GRHL2: variants seen among roughly 807,000 people sequenced by gnomAD.
GRHL2 encodes grainyhead like transcription factor 2.
GRHL2 carries 21 observed loss-of-function variants against 83.8 expected under a neutral mutation model. That is an observed-to-expected ratio of 0.25 (90% confidence interval 0.18 to 0.36). The LOEUF (loss-of-function observed/expected upper bound fraction) is 0.36. Ranked by LOEUF, GRHL2 falls within the 10% of genes least tolerant of loss-of-function variation. GRHL2 has a pLI of 1.00. For synonymous variants in GRHL2, 280 were observed against 278.9 expected, an observed-to-expected ratio of 1.00 and a Z score of -0.04; for missense variants, 623 against 781.8, an observed-to-expected ratio of 0.80 and a Z score of 2.42.
chr8:101,537,836 A>G (rs867817297), intron 1 of GRHL2, among the ~76,000 whole-genome samples: 4 of 152,220 alleles, frequency 2.6e-5, no homozygotes, highest in Admixed American at 2.0e-4. Flanking sequence ...GTAGAAATGG[A>G]TATGAGAAGT....
At chr8:101,506,713 A>G (rs1417166594) in intron 1 of GRHL2, among the ~76,000 whole-genome samples, 2 of 152,182 alleles carry the variant, frequency 1.3e-5, no homozygotes, top group Non-Finnish European at 2.9e-5. Flanking sequence ...TCATTGATAC[A>G]TAATTTGAAA....
chr8:101,677,068 G>A, the GRHL2 span, among the ~76,000 whole-genome samples: 1 of 151,952 alleles, frequency 6.6e-6, no homozygotes, highest in African/African-American at 2.4e-5. Flanking sequence ...TTGTGGGGTG[G>A]GGTGAGGGGG....
intron 13 of GRHL2, among the ~76,000 whole-genome samples, chr8:101,645,535 G>T (rs560678348): frequency 1.3e-5 from 2 of 152,068 alleles, no homozygotes; most frequent in African/African-American, 4.8e-5. Flanking sequence ...AAGAGAACCC[G>T]TCTGTAGCCT....
At chr8:101,550,882 G>GT (rs1252520647) in intron 2 of GRHL2, among the ~76,000 whole-genome samples, 2 of 152,150 alleles carry the variant, frequency 1.3e-5, no homozygotes, top group African/African-American at 4.8e-5. Flanking sequence ...ATCTGGCTTA[G>GT]TTTTTTTAGC....
chr8:101,578,819 C>T (rs1038305189), intron 7 of GRHL2, among the ~76,000 whole-genome samples: 1 of 152,302 alleles, frequency 6.6e-6, no homozygotes, highest in South Asian at 2.1e-4. Context: ...GACTTCTTGA[C>T]CACACTGGCA....
At chr8:101,529,223 AG>A (rs1810868999) in intron 1 of GRHL2, 1 of 243,256 alleles carries the variant, frequency 4.1e-6, no homozygotes, top group Non-Finnish European at 8.1e-6. Context: ...TCATGAGGTC[AG>A]GAGTTCGAGA....
At chr8:101,605,697 T>C (rs1049629634) in intron 8 of GRHL2, among the ~76,000 whole-genome samples, 3 of 152,202 alleles carry the variant, frequency 2.0e-5, no homozygotes, top group Admixed American at 1.3e-4. Flanking sequence ...GTGCATATCA[T>C]TGACCGGAAC....
At chr8:101,540,105 A>G (rs1811122254) in intron 1 of GRHL2, among the ~76,000 whole-genome samples, 1 of 152,342 alleles carries the variant, frequency 6.6e-6, no homozygotes. Context: ...AATTATACTC[A>G]ACTTTACCAA....
chr8:101,619,235 A>T (rs940578897), intron 8 of GRHL2, among the ~76,000 whole-genome samples: 17 of 152,298 alleles, frequency 1.1e-4, no homozygotes, highest in Non-Finnish European at 2.1e-4. Context: ...CCTGGGCGAC[A>T]GAGTGAGGCT....
At chr8:101,504,152 T>A (rs1020908707) in intron 1 of GRHL2, among the ~76,000 whole-genome samples, 1 of 152,144 alleles carries the variant, frequency 6.6e-6, no homozygotes, top group Non-Finnish European at 1.5e-5. Flanking sequence ...ATTGACCCGA[T>A]CCCCTGCAGA....
Position 101,666,580 on chromosome 8 carries a change from C to A in GRHL2, c.1764-9C>A. ...TTTGTTTTTCACACCCCTCCCCCCT[C>A]CATGGCAGCATCTTGGTGAACATGG... On this transcript the variant is annotated splice_polypyrimidine_tract_variant and intron_variant, in intron 15 of 15. Coordinates refer to ENST00000646743, the MANE Select transcript of GRHL2 (RefSeq NM_024915.4). The A allele has an allele frequency of 5.1e-6, 8 of 1,558,250 alleles. No homozygotes were observed. The highest frequency in any genetic ancestry group is 7.1e-6 in the Non-Finnish European group (8 of 1,129,146).
At chr8:101,580,569 TCTTG>T (rs1812029924) in intron 7 of GRHL2, among the ~76,000 whole-genome samples, 1 of 151,988 alleles carries the variant, frequency 6.6e-6, no homozygotes, top group South Asian at 2.1e-4. Flanking sequence ...TAACCCATTT[TCTTG>T]TTTAAAAGCC....
chr8:101,640,222 C>G (rs1486285497), intron 12 of GRHL2, among the ~76,000 whole-genome samples: 2 of 152,180 alleles, frequency 1.3e-5, no homozygotes, highest in African/African-American at 4.8e-5. Context: ...TCTCAGTTTT[C>G]TCATCTAAAA....
chr8:101,559,866 G>A (rs1052591819), intron 4 of GRHL2, among the ~76,000 whole-genome samples: 4 of 152,180 alleles, frequency 2.6e-5, no homozygotes, highest in African/African-American at 7.2e-5. Flanking sequence ...TGCATTTGGC[G>A]AGCGTGGATC....
At chr8:101,611,033 G>C (rs1390506348) in intron 8 of GRHL2, among the ~76,000 whole-genome samples, 1 of 151,026 alleles carries the variant, frequency 6.6e-6, no homozygotes, top group Non-Finnish European at 1.5e-5. Flanking sequence ...ACAGCAGTGA[G>C]TGTCCGAGGA....
intron 9 of GRHL2, among the ~76,000 whole-genome samples, chr8:101,622,547 G>A (rs576521700): frequency 6.6e-6 from 1 of 152,190 alleles, no homozygotes; most frequent in South Asian, 2.1e-4. Context: ...GATAGGAGGG[G>A]TATATGAGAA....
intron 9 of GRHL2, among the ~76,000 whole-genome samples, chr8:101,629,367 G>C (rs1199557789): frequency 6.6e-6 from 1 of 151,358 alleles, no homozygotes; most frequent in Non-Finnish European, 1.5e-5. Flanking sequence ...TAGACATAAC[G>C]CTATTGCACA....
intron 6 of GRHL2, 71 bp downstream of exon 6, chr8:101,573,895 G>T (rs1331504119): frequency 1.3e-6 from 2 of 1,513,442 alleles, no homozygotes; most frequent in East Asian, 4.5e-5. Context: ...ACAGCCTTGT[G>T]GAATGGCATG....
chr8:101,653,631 AC>A (rs1164973665), intron 14 of GRHL2, among the ~76,000 whole-genome samples: 1 of 152,084 alleles, frequency 6.6e-6, no homozygotes, highest in Admixed American at 6.5e-5. Context: ...AGTCCCAGCC[AC>A]TTAAGAGGCT....
Sources: allele counts gnomAD v4.1 joint callset (sites outside exome capture counted in the v4.1 genomes callset), GRCh38; gene constraint gnomAD v4.1.1; transcripts MANE v1.5; gene names NCBI Gene and HGNC (gene_info 2026-07-23, HGNC 2026-07-21).